Variants in ULK4 observed in about 807,000 individuals in gnomAD.
ULK4 encodes the protein unc-51 like kinase 4, also known as inactive serine/threonine-protein kinase ULK4.
A neutral mutation model predicts 160.6 loss-of-function variants in ULK4; 133 were observed. That is an observed-to-expected ratio of 0.83 (90% confidence interval 0.72 to 0.96). The LOEUF (loss-of-function observed/expected upper bound fraction) is 0.96, where lower values mean the gene tolerates loss of function less well. Ranked by LOEUF, ULK4 falls within the 40% of genes least tolerant of loss-of-function variation. ULK4 has a pLI of 0.00. For missense variants in ULK4, 1,580 were observed against 1,499.5 expected, an observed-to-expected ratio of 1.05 and a Z score of -0.89; for synonymous variants, 534 against 539.8, an observed-to-expected ratio of 0.99 and a Z score of 0.15.
chr3:41,704,452 T>C (rs2036796622), intron 27 of ULK4, among the ~76,000 whole-genome samples: 1 of 152,200 alleles, frequency 6.6e-6, no homozygotes, highest in Non-Finnish European at 1.5e-5. Flanking sequence ...TCTTCCTAAC[T>C]GGCTCCTCTT....
intron 20 of ULK4, among the ~76,000 whole-genome samples, chr3:41,793,840 C>A (rs2040218227): frequency 6.6e-6 from 1 of 152,186 alleles, no homozygotes; most frequent in Non-Finnish European, 1.5e-5. Flanking sequence ...AGGTCCACTC[C>A]TTCCAACTAC....
At chr3:41,304,339 G>A (rs756229920) in intron 35 of ULK4, among the ~76,000 whole-genome samples, 4 of 149,178 alleles carry the variant, frequency 2.7e-5, no homozygotes, top group Admixed American at 2.7e-4. Flanking sequence ...AGTATGATAT[G>A]TAAAACAGTG....
chr3:41,917,881 G>A (rs1023572157), intron 7 of ULK4, among the ~76,000 whole-genome samples: 1 of 152,084 alleles, frequency 6.6e-6, no homozygotes, highest in African/African-American at 2.4e-5. Context: ...CAGCTACTCG[G>A]GAGGCTGAGG....
At chr3:41,488,993 C>A (rs1293407817) in intron 32 of ULK4, among the ~76,000 whole-genome samples, 1 of 152,094 alleles carries the variant, frequency 6.6e-6, no homozygotes, top group Admixed American at 6.5e-5. Flanking sequence ...GGTGAGCACC[C>A]CTCCCACTGA....
At chr3:41,790,209 T>C (rs571390301) in intron 20 of ULK4, among the ~76,000 whole-genome samples, 1 of 152,346 alleles carries the variant, frequency 6.6e-6, no homozygotes, top group East Asian at 1.9e-4. Flanking sequence ...ACATTTATCA[T>C]TTATAATGTG....
chr3:41,280,161 A>T (rs1200616209), intron 35 of ULK4, among the ~76,000 whole-genome samples: 2 of 152,222 alleles, frequency 1.3e-5, no homozygotes, highest in Non-Finnish European at 2.9e-5. Context: ...TCATAAAGCA[A>T]GTCCTTAGAG....
At chr3:41,489,648 C>A (rs1279674135) in intron 32 of ULK4, among the ~76,000 whole-genome samples, 1 of 152,112 alleles carries the variant, frequency 6.6e-6, no homozygotes, top group Non-Finnish European at 1.5e-5. Flanking sequence ...AAAGTCCTTT[C>A]CTGTATAGGA....
At chr3:41,662,001 A>G (rs2035188537) in intron 30 of ULK4, among the ~76,000 whole-genome samples, 1 of 152,210 alleles carries the variant, frequency 6.6e-6, no homozygotes, top group Non-Finnish European at 1.5e-5. Flanking sequence ...AGTTACATTT[A>G]AAAAAGTAAT....
At chr3:41,318,934 G>A (rs539719731) in intron 35 of ULK4, among the ~76,000 whole-genome samples, 2 of 152,228 alleles carry the variant, frequency 1.3e-5, no homozygotes, top group East Asian at 3.9e-4. Flanking sequence ...ATGTTAATTT[G>A]GTTCTAAAAA....
At chr3:41,557,474 G>A (rs954274291) in intron 32 of ULK4, among the ~76,000 whole-genome samples, 4 of 151,888 alleles carry the variant, frequency 2.6e-5, no homozygotes, top group Admixed American at 1.3e-4. Context: ...TAAAACAACA[G>A]ATTGCGGCCA....
At chr3:41,662,079 C>G (rs1575542983) in intron 30 of ULK4, among the ~76,000 whole-genome samples, 1 of 152,122 alleles carries the variant, frequency 6.6e-6, no homozygotes, top group East Asian at 1.9e-4. Context: ...GTCAAAAGTC[C>G]AGGAAATATA....
rs951614268 is a variant in ULK4, at chr3:41,715,253, C to A, written c.2618G>T (p.Ser873Ile). 6.2e-7 allele frequency: 1 copy of A among 1,613,300 alleles called. No individual in the cohort carries two copies. Among genetic ancestry groups the A allele is most frequent in the East Asian group, 2.2e-5 (1 of 44,860 alleles). The change falls in exon 25 of 37, where the codon AGC becomes ATC. Residue 873 changes from serine (S) to isoleucine (I), a missense_variant. Ser to Ile is a moderately radical substitution (Grantham distance 142, BLOSUM62 -2). Coordinates refer to ENST00000301831, the MANE Select transcript of ULK4 (RefSeq NM_017886.4). The part of the protein sequence containing the change: ...PQVVTEEFLF[S>I]YGTILSHIKS... ...GTTACTCACAAGAATAGTTCCATAG[C>A]TGAAAAGAAACTCTTCTGTCACAAC...
chr3:41,382,285 C>A (rs1158482005), intron 35 of ULK4, among the ~76,000 whole-genome samples: 1 of 152,138 alleles, frequency 6.6e-6, no homozygotes, highest in Non-Finnish European at 1.5e-5. Context: ...CATTGAGAAC[C>A]ATGTGTGCCA....
chr3:41,432,873 C>T (rs762530684), intron 34 of ULK4, among the ~76,000 whole-genome samples: 6 of 149,458 alleles, frequency 4.0e-5, no homozygotes, highest in Non-Finnish European at 5.9e-5. Context: ...TAATCCTGAA[C>T]AAATCAAATA....
At chr3:41,596,032 G>A (rs2031665083) in intron 31 of ULK4, among the ~76,000 whole-genome samples, 1 of 152,084 alleles carries the variant, frequency 6.6e-6, no homozygotes. Flanking sequence ...AGAACAAATG[G>A]GCCCAGGAAC....
At chr3:41,735,477 C>T (rs1411004561) in intron 22 of ULK4, among the ~76,000 whole-genome samples, 1 of 152,078 alleles carries the variant, frequency 6.6e-6, no homozygotes, top group Non-Finnish European at 1.5e-5. Context: ...GCTCTATGTG[C>T]CCATCAGTGA....
chr3:41,541,129 C>T (rs1415563567), intron 32 of ULK4, among the ~76,000 whole-genome samples: 1 of 152,144 alleles, frequency 6.6e-6, no homozygotes, highest in African/African-American at 2.4e-5. Flanking sequence ...AATGGTATTG[C>T]TCAGGTTTTC....
At chr3:41,834,090 G>A (rs2041682224) in intron 18 of ULK4, among the ~76,000 whole-genome samples, 1 of 150,908 alleles carries the variant, frequency 6.6e-6, no homozygotes, top group Non-Finnish European at 1.5e-5. Context: ...TATTTATTGG[G>A]GAGCTGGACA....
chr3:41,686,105 G>A (rs78028510), intron 27 of ULK4, among the ~76,000 whole-genome samples: 10,477 of 152,112 alleles, frequency 0.069, 988 homozygotes, highest in African/African-American at 0.21. Flanking sequence ...CTAGACCAAC[G>A]TGTAAACAGC....
Sources: gnomAD v4.1 joint callset for allele counts (sites outside exome capture counted in the v4.1 genomes callset) on GRCh38, gnomAD v4.1.1 for gene constraint, MANE v1.5 for transcripts, NCBI Gene and HGNC (gene_info 2026-07-23, HGNC 2026-07-21) for gene names.